NKAIN2: variants seen among roughly 807,000 people sequenced by gnomAD.
The protein encoded by NKAIN2 is sodium/potassium-transporting ATPase subunit beta-1-interacting protein 2.
In NKAIN2, 14 loss-of-function variants were observed where a neutral mutation model predicts 32.6. The observed-to-expected ratio is 0.43, with a 90% CI of 0.28 to 0.67. The LOEUF (loss-of-function observed/expected upper bound fraction) is 0.67. Among genes scored for constraint, NKAIN2 ranks in the 30% least tolerant of loss-of-function variants. NKAIN2 has a pLI of 0.17. For missense variants in NKAIN2, 198 were observed against 258.3 expected (o/e 0.77, Z 1.60); for synonymous variants, 80 against 87.2 (o/e 0.92, Z 0.46).
chr6:124,109,544 A>G (rs1347708907), intron 1 of NKAIN2, among the ~76,000 whole-genome samples: 9 of 152,034 alleles, frequency 5.9e-5, no homozygotes, highest in Non-Finnish European at 1.3e-4. Flanking sequence ...CATATATACG[A>G]TCATGTAAGA....
intron 1 of NKAIN2, among the ~76,000 whole-genome samples, chr6:124,224,514 A>G (rs1430012047): frequency 6.6e-6 from 1 of 152,116 alleles, no homozygotes; most frequent in Non-Finnish European, 1.5e-5. Flanking sequence ...AGCTCCCCAG[A>G]AATAGCCTAG....
At chr6:123,898,363 G>A (rs1358161720) in intron 1 of NKAIN2, among the ~76,000 whole-genome samples, 1 of 151,932 alleles carries the variant, frequency 6.6e-6, no homozygotes, top group African/African-American at 2.4e-5. Context: ...TTCTGGTTTA[G>A]GATTTTCTGC....
intron 1 of NKAIN2, among the ~76,000 whole-genome samples, chr6:123,819,543 A>C (rs537182412): frequency 1.7e-4 from 26 of 152,292 alleles, no homozygotes; most frequent in African/African-American, 6.3e-4. Flanking sequence ...CCAATCGTCT[A>C]ATTAGAAAAT....
intron 4 of NKAIN2, among the ~76,000 whole-genome samples, chr6:124,733,104 A>G (rs888469041): frequency 6.6e-6 from 1 of 152,010 alleles, no homozygotes; most frequent in Non-Finnish European, 1.5e-5. Flanking sequence ...GGTATTCTGA[A>G]CAAACCAAAA....
At chr6:123,930,198 A>G (rs1166755022) in intron 1 of NKAIN2, among the ~76,000 whole-genome samples, 1 of 152,136 alleles carries the variant, frequency 6.6e-6, no homozygotes, top group Non-Finnish European at 1.5e-5. Flanking sequence ...ATGCAAATTG[A>G]TATTGTTTTA....
intron 4 of NKAIN2, among the ~76,000 whole-genome samples, chr6:124,696,463 C>T (rs149046144): frequency 3.5e-4 from 54 of 152,232 alleles, no homozygotes; most frequent in Admixed American, 7.9e-4. Flanking sequence ...CGCAAGCCAC[C>T]TCCCATGCCC....
intron 1 of NKAIN2, among the ~76,000 whole-genome samples, chr6:123,951,537 T>A (rs1251465958): frequency 2.0e-5 from 3 of 152,042 alleles, no homozygotes. Context: ...TTTACCATTT[T>A]TGACTTAAAG....
At position 123,917,589 on chromosome 6, in the gene NKAIN2, A is replaced by G. The variant is rs552128575; in HGVS notation, c.54+113335A>G. Among the ~76,000 whole-genome samples, 394 of 152,270 alleles carry G rather than the reference A, an allele frequency of 2.6e-3. 3 individuals carry two copies. Among genetic ancestry groups the G allele is most frequent in the African/African-American group, 9.0e-3 (376 of 41,554 alleles). ...GTAACCTGCATTTTCAGTTTGGCAC[A>G]TTGCCCTTCTGTGATATTCTGCTCT... On this transcript the variant is annotated intron_variant, in intron 1 of 6. Coordinates refer to ENST00000368417, the MANE Select transcript of NKAIN2 (RefSeq NM_001040214.3).
chr6:124,588,985 A>G (rs992172983), intron 3 of NKAIN2, among the ~76,000 whole-genome samples: 1 of 152,182 alleles, frequency 6.6e-6, no homozygotes, highest in Non-Finnish European at 1.5e-5. Context: ...TGTATTTTTT[A>G]TAATGATGCT....
At chr6:124,418,129 A>C (rs1322156204) in intron 3 of NKAIN2, among the ~76,000 whole-genome samples, 1 of 151,958 alleles carries the variant, frequency 6.6e-6, no homozygotes, top group African/African-American at 2.4e-5. Flanking sequence ...TGGCCAAAAA[A>C]AATGTTATGA....
chr6:124,388,994 A>G (rs867956932), intron 3 of NKAIN2, among the ~76,000 whole-genome samples: 5 of 152,102 alleles, frequency 3.3e-5, no homozygotes, highest in South Asian at 2.1e-4. Context: ...CATGAATGAT[A>G]GTGCTGTTGG....
chr6:124,422,953 A>T (rs1167282660), intron 3 of NKAIN2, among the ~76,000 whole-genome samples: 4 of 152,256 alleles, frequency 2.6e-5, no homozygotes, highest in African/African-American at 7.2e-5. Context: ...ATACAAAAGA[A>T]AATTATTTTC....
intron 1 of NKAIN2, among the ~76,000 whole-genome samples, chr6:124,016,377 G>A (rs1252724014): frequency 6.6e-6 from 1 of 152,108 alleles, no homozygotes; most frequent in African/African-American, 2.4e-5. Context: ...TACAATGTTT[G>A]TTGTGCTTTC....
At chr6:124,274,885 G>C (rs1794956859) in intron 1 of NKAIN2, among the ~76,000 whole-genome samples, 1 of 151,924 alleles carries the variant, frequency 6.6e-6, no homozygotes, top group East Asian at 1.9e-4. Context: ...TTTGCGATTA[G>C]GCATACACAC....
intron 2 of NKAIN2, among the ~76,000 whole-genome samples, chr6:124,325,584 C>A (rs1403489330): frequency 6.6e-6 from 1 of 152,070 alleles, no homozygotes; most frequent in Non-Finnish European, 1.5e-5. Context: ...GCTACTGGCA[C>A]ATGCAATAAT....
At chr6:123,920,235 G>A (rs1477621916) in intron 1 of NKAIN2, among the ~76,000 whole-genome samples, 1 of 152,152 alleles carries the variant, frequency 6.6e-6, no homozygotes. Context: ...ATCAGTGGCA[G>A]TAACAACGCT....
At chr6:124,373,900 T>C (rs948163819) in intron 3 of NKAIN2, among the ~76,000 whole-genome samples, 1 of 152,020 alleles carries the variant, frequency 6.6e-6, no homozygotes, top group Non-Finnish European at 1.5e-5. Flanking sequence ...CATGAGGTCT[T>C]GTAGTAAGAT....
At chr6:124,305,138 AT>A (rs1796458125) in intron 2 of NKAIN2, among the ~76,000 whole-genome samples, 2 of 152,320 alleles carry the variant, frequency 1.3e-5, no homozygotes, top group South Asian at 4.1e-4. Context: ...AGAGTTTTTC[AT>A]TTTTAAGATT....
At chr6:124,082,674 A>C (rs1427292947) in intron 1 of NKAIN2, among the ~76,000 whole-genome samples, 1 of 152,068 alleles carries the variant, frequency 6.6e-6, no homozygotes, top group Non-Finnish European at 1.5e-5. Context: ...CTGAGTTTAA[A>C]GGATCAGTGT....
Sources: gnomAD v4.1 joint callset for allele counts (sites outside exome capture counted in the v4.1 genomes callset) on GRCh38, gnomAD v4.1.1 for gene constraint, MANE v1.5 for transcripts, NCBI Gene and HGNC (gene_info 2026-07-23, HGNC 2026-07-21) for gene names.